P2RX4: variants seen among roughly 807,000 people sequenced by gnomAD.
P2RX4 encodes P2X purinoceptor 4.
P2RX4 carries 37 observed loss-of-function variants against 48.0 expected under a neutral mutation model. The ratio of observed to expected loss-of-function variants is 0.77; its 90% confidence interval spans 0.59 to 1.01. The LOEUF is 1.01. Among genes scored for constraint, P2RX4 ranks in the 50% least tolerant of loss-of-function variants. P2RX4 has a pLI of 0.00. For synonymous variants in P2RX4, 200 were observed against 199.7 expected, an observed-to-expected ratio of 1.00 and a Z score of -0.01; for missense variants, 501 against 521.4, an observed-to-expected ratio of 0.96 and a Z score of 0.38.
At chr12:121,226,716 T>C (rs532422194) in intron 5 of P2RX4, among the ~76,000 whole-genome samples, 1 of 152,294 alleles carries the variant, frequency 6.6e-6, no homozygotes, top group Admixed American at 6.5e-5. Context: ...GTATTACATG[T>C]GAGGTACACA....
chr12:121,220,567 C>A (rs1280856398), intron 2 of P2RX4, among the ~76,000 whole-genome samples: 1 of 152,016 alleles, frequency 6.6e-6, no homozygotes, highest in East Asian at 1.9e-4. Context: ...ACCCAGGAGG[C>A]GGAGATTGCA....
intron 5 of P2RX4, among the ~76,000 whole-genome samples, chr12:121,225,784 A>G (rs1886943141): frequency 6.6e-6 from 1 of 152,166 alleles, no homozygotes; most frequent in African/African-American, 2.4e-5. Context: ...TGTTGAAGTA[A>G]TATTTTGGGT....
rs1304100102 is a variant in P2RX4 at position 121,232,659 on chromosome 12, C to T, written c.1027C>T (p.Leu343=). ...CACTATGATCAACATCGGCTCTGGC[C>T]TGGCACTGCTAGGCATGGTGAGTGG... ...IPTMINIGSG[L]ALLGMATVLC... The change falls in exon 10 of 12, where the codon CTG becomes TTG. Residue 343 remains leucine, a synonymous_variant. Coordinates refer to ENST00000337233, the MANE Select transcript of P2RX4 (RefSeq NM_002560.3). The surrounding 1 kb of genome is among the most constrained non-coding windows in gnomAD (Gnocchi z 4.3). The T allele has an allele frequency of 1.2e-6, 2 of 1,613,788 alleles. No homozygotes were observed. The highest frequency in any genetic ancestry group is 4.5e-5 in the East Asian group (2 of 44,878).
intron 5 of P2RX4, among the ~76,000 whole-genome samples, chr12:121,227,969 C>T (rs1260476234): frequency 6.6e-6 from 1 of 151,660 alleles, no homozygotes; most frequent in Non-Finnish European, 1.5e-5. Flanking sequence ...GTGATGCATG[C>T]CTATAGTTCC....
At chr12:121,216,745 G>A (rs979468738) in intron 1 of P2RX4, 12 of 493,650 alleles carry the variant, frequency 2.4e-5, no homozygotes, top group South Asian at 4.5e-5. Flanking sequence ...GCCTGAACCC[G>A]GGAGGCGGAG....
At position 121,229,169 on chromosome 12, in the gene P2RX4, C is replaced by A; in HGVS notation, c.884+70C>A. On this transcript the variant is annotated intron_variant, in intron 8 of 11. Transcript: ENST00000337233. The surrounding 1 kb of genome is among the most constrained non-coding windows in gnomAD (Gnocchi z 4.6). Reference sequence around the variant, plus strand: ...GGTGGCTGCGTACGTGCCAGTGGGCCGCCCACTGAAGACCAGCACTCAGGC... The same window carrying A: ...GGTGGCTGCGTACGTGCCAGTGGGCAGCCCACTGAAGACCAGCACTCAGGC... The A allele has an allele frequency of 6.4e-7, 1 of 1,574,018 alleles. No individual in the cohort carries two copies. The highest frequency in any genetic ancestry group is 1.1e-5 in the South Asian group (1 of 89,894).
At position 121,217,757 on chromosome 12, in the gene P2RX4, C is replaced by A. The variant is rs531557382; in HGVS notation, c.282+476C>A. On this transcript the variant is annotated intron_variant, in intron 2 of 11. Coordinates refer to ENST00000337233, the MANE Select transcript of P2RX4 (RefSeq NM_002560.3). The stretch of plus-strand genomic sequence containing the variant: ...CCTGGGCAATGTGGTGAAACCCCAT[C>A]TCTATAAAAAAAAAAAAAAAGAAAA... Among the ~76,000 whole-genome samples, 20 of 133,032 alleles carry A rather than the reference C, an allele frequency of 1.5e-4. No individual in the cohort carries two copies. In the East Asian group the frequency reaches 4.5e-3, roughly 30 times the overall value. The allele number at this position is 133,032 out of a possible 152,430, so 87.3% of individuals were successfully genotyped here.
At chr12:121,212,824 A>ATATATATATTTTTTTT (rs370835501) in intron 1 of P2RX4, 5 of 32,244 alleles carry the variant, frequency 1.6e-4, no homozygotes, top group Non-Finnish European at 1.9e-4. Flanking sequence ...ATATATATAT[A>ATATATATATTTTTTTT]TTTTTTTTTT....
intron 4 of P2RX4, 156 bp downstream of exon 4, chr12:121,222,322 T>C (rs1444899660): frequency 1.6e-6 from 1 of 626,384 alleles, no homozygotes; most frequent in Non-Finnish European, 2.8e-6. Context: ...CATTCACTGC[T>C]GTCATTGGAG....
chr12:121,212,111 T>C (rs1439887639), intron 1 of P2RX4, among the ~76,000 whole-genome samples: 1 of 152,218 alleles, frequency 6.6e-6, no homozygotes, highest in African/African-American at 2.4e-5. Flanking sequence ...ATCTGAGGAA[T>C]TGTTTAAAAG....
chr12:121,224,439 A>G (rs1886850288), intron 5 of P2RX4, among the ~76,000 whole-genome samples: 1 of 151,986 alleles, frequency 6.6e-6, no homozygotes, highest in African/African-American at 2.4e-5. Context: ...CCCCGTCTCC[A>G]CTAAAAATAC....
At chr12:121,224,935 G>C (rs1254136107) in intron 5 of P2RX4, among the ~76,000 whole-genome samples, 1 of 152,186 alleles carries the variant, frequency 6.6e-6, no homozygotes, top group African/African-American at 2.4e-5. Context: ...TAGCATCTTA[G>C]AGCTGGAGAG....
rs1887034446 is a variant in P2RX4 at position 121,227,245 on chromosome 12, G to A, written c.525-1288G>A. On this transcript the variant is annotated intron_variant, in intron 5 of 11. Transcript: ENST00000337233. ...TCTCAGGGCTGGGAAGACTGTTGAT[G>A]TTGTCATTCCAAAGATCCCACCTGG... 2.0e-5 allele frequency among the ~76,000 whole-genome samples: 3 copies of A among 152,300 alleles called. No homozygotes were observed. In the South Asian group the frequency reaches 6.2e-4, roughly 32 times the overall value.
intron 8 of P2RX4, among the ~76,000 whole-genome samples, chr12:121,230,374 C>G (rs987540836): frequency 1.3e-5 from 2 of 152,204 alleles, no homozygotes; most frequent in Admixed American, 1.3e-4. Flanking sequence ...CAAAGCAAGT[C>G]TCCGTCTCAG....
chr12:121,219,694 GAGAA>G (rs1026934662), intron 2 of P2RX4, among the ~76,000 whole-genome samples: 1 of 151,670 alleles, frequency 6.6e-6, no homozygotes, highest in Non-Finnish European at 1.5e-5. Context: ...GATAGGATAG[GAGAA>G]AGAAAGGGAA....
At chr12:121,214,135 G>A (rs1266500165) in intron 1 of P2RX4, 1 of 152,128 alleles carries the variant, frequency 6.6e-6, no homozygotes, top group Non-Finnish European at 1.5e-5. Context: ...CTGGGAGGCG[G>A]AGGTTGCAGT....
chr12:121,232,433 G>C lies in P2RX4; in HGVS notation c.904G>C (p.Asp302His). The C allele has an allele frequency of 1.2e-6, 2 of 1,613,680 alleles. No individual in the cohort carries two copies. Among genetic ancestry groups the C allele is most frequent in the Non-Finnish European group, 1.7e-6 (2 of 1,179,672 alleles). ...CCTCAGGTTTGCCAAGTACTACAGA[G>C]ACCTGGCTGGCAACGAGCAGCGCAC... is the stretch of plus-strand genomic sequence containing the variant. ...YNFRFAKYYR[D>H]LAGNEQRTLI... Residue 302 changes from aspartate (D) to histidine (H), a missense_variant, in exon 9 of 12, where the codon GAC becomes CAC. By Grantham distance (81) the Asp-to-His change is moderately conservative (BLOSUM62 -1). Coordinates refer to ENST00000337233, the MANE Select transcript of P2RX4 (RefSeq NM_002560.3). The surrounding 1 kb of genome is among the most constrained non-coding windows in gnomAD (Gnocchi z 4.3).
At chr12:121,221,398 AT>A (rs112486751) in intron 2 of P2RX4, among the ~76,000 whole-genome samples, 18,468 of 123,196 alleles carry the variant, frequency 0.15, 1,164 homozygotes, top group East Asian at 0.24. Flanking sequence ...TGTTTCCACC[AT>A]TTTTTTTTTT....
At chr12:121,212,024 C>A (rs936192183) in intron 1 of P2RX4, among the ~76,000 whole-genome samples, 1 of 152,230 alleles carries the variant, frequency 6.6e-6, no homozygotes, top group African/African-American at 2.4e-5. Flanking sequence ...ATCGGCTGCC[C>A]AGGTGATTCT....
Sources: gnomAD v4.1 joint callset for allele counts (sites outside exome capture counted in the v4.1 genomes callset) on GRCh38, gnomAD v4.1.1 for gene constraint, Gnocchi (gnomAD v3.1) non-coding constraint, MANE v1.5 for transcripts, NCBI Gene and HGNC (gene_info 2026-07-23, HGNC 2026-07-21) for gene names.